DOCK9: variants seen among roughly 807,000 people sequenced by gnomAD.
DOCK9 encodes the protein dedicator of cytokinesis protein 9.
Under a neutral mutation model 263.3 loss-of-function variants are expected in DOCK9, and 89 were observed. The observed-to-expected ratio is 0.34, with a 90% CI of 0.28 to 0.40. DOCK9 has a LOEUF of 0.40. Among genes scored for constraint, DOCK9 ranks in the 10% least tolerant of loss-of-function variants. The probability of loss-of-function intolerance (pLI) is 1.00; values close to 1 mark genes in which losing one functional copy is unlikely to be tolerated. For synonymous variants in DOCK9, 976 were observed against 973.1 expected, an observed-to-expected ratio of 1.00 and a Z score of -0.06; for missense variants, 2,140 against 2,603.4, an observed-to-expected ratio of 0.82 and a Z score of 3.87.
At chr13:98,911,783 TA>T (rs2050087138) in intron 9 of DOCK9, among the ~76,000 whole-genome samples, 1 of 151,270 alleles carries the variant, frequency 6.6e-6, no homozygotes, top group Non-Finnish European at 1.5e-5. Context: ...ACCAAAATAA[TA>T]ATGACAGTAT....
chr13:99,073,357 CTTTT>C (rs952442003), intron 1 of DOCK9, among the ~76,000 whole-genome samples: 8 of 112,736 alleles, frequency 7.1e-5, no homozygotes, highest in African/African-American at 2.5e-4. Flanking sequence ...TCTTCTTCTT[CTTTT>C]CTCTCTCTCC....
At chr13:98,948,169 G>A (rs1161907368) in intron 2 of DOCK9, among the ~76,000 whole-genome samples, 2 of 152,124 alleles carry the variant, frequency 1.3e-5, no homozygotes, top group East Asian at 3.8e-4. Context: ...TCTCATGTAA[G>A]TAGAAGAGGA....
chr13:99,042,476 C>T (rs1307441924), intron 1 of DOCK9, among the ~76,000 whole-genome samples: 1 of 152,204 alleles, frequency 6.6e-6, no homozygotes, highest in Non-Finnish European at 1.5e-5. Flanking sequence ...CCACGGTCTG[C>T]TTGGATGTCA....
At chr13:98,921,419 G>A (rs1204070906) in intron 6 of DOCK9, among the ~76,000 whole-genome samples, 1 of 152,188 alleles carries the variant, frequency 6.6e-6, no homozygotes, top group East Asian at 1.9e-4. Context: ...AATCCCCAGG[G>A]TTTCTTGCTC....
At chr13:99,029,949 T>C (rs1364976608) in intron 1 of DOCK9, among the ~76,000 whole-genome samples, 1 of 152,240 alleles carries the variant, frequency 6.6e-6, no homozygotes, top group African/African-American at 2.4e-5. Context: ...TGGAATACAC[T>C]ATTTGGCAAT....
chr13:99,077,264 C>T (rs1361476927), intron 1 of DOCK9, among the ~76,000 whole-genome samples: 1 of 152,180 alleles, frequency 6.6e-6, no homozygotes, highest in Non-Finnish European at 1.5e-5. Flanking sequence ...TGTCCCCACC[C>T]AAATCCCCAG....
At chr13:98,837,103 G>A (rs9582265) in intron 39 of DOCK9, among the ~76,000 whole-genome samples, 38,675 of 151,976 alleles carry the variant, frequency 0.25, 6,038 homozygotes, top group African/African-American at 0.43. Flanking sequence ...ATGTGTCTGT[G>A]TTTATTGCTC....
chr13:98,993,815 G>C (rs1455228640), intron 1 of DOCK9, among the ~76,000 whole-genome samples: 2 of 152,132 alleles, frequency 1.3e-5, no homozygotes, highest in Admixed American at 6.5e-5. Flanking sequence ...GGTTTTTAAA[G>C]TTTATTAAAT....
chr13:99,044,306 C>A (rs970799278), intron 1 of DOCK9, among the ~76,000 whole-genome samples: 3 of 152,220 alleles, frequency 2.0e-5, no homozygotes, highest in African/African-American at 4.8e-5. Flanking sequence ...AAGAACACTG[C>A]AGGCAGTGGG....
intron 1 of DOCK9, among the ~76,000 whole-genome samples, chr13:98,959,988 C>A (rs1038724570): frequency 2.0e-5 from 3 of 152,144 alleles, no homozygotes; most frequent in Admixed American, 2.0e-4. Flanking sequence ...GGGTAGGGAA[C>A]TGATTGGCCT....
At chr13:98,823,987 C>T (rs2140693034) in intron 45 of DOCK9, among the ~76,000 whole-genome samples, 1 of 152,224 alleles carries the variant, frequency 6.6e-6, no homozygotes, top group Admixed American at 6.5e-5. Context: ...GCCTCTCATG[C>T]CTTTGAGTTT....
At chr13:99,036,790 G>A (rs375350524) in intron 1 of DOCK9, among the ~76,000 whole-genome samples, 5 of 152,196 alleles carry the variant, frequency 3.3e-5, no homozygotes, top group East Asian at 1.9e-4. Flanking sequence ...CGCCCACCTC[G>A]GCCTCCCAAA....
intron 1 of DOCK9, among the ~76,000 whole-genome samples, chr13:99,008,736 G>A (rs1248924740): frequency 1.3e-5 from 2 of 152,212 alleles, no homozygotes; most frequent in African/African-American, 4.8e-5. Flanking sequence ...GCCTGGTGAA[G>A]GCTATCTTGG....
chr13:99,047,039 C>A (rs901832654), intron 1 of DOCK9, among the ~76,000 whole-genome samples: 2 of 152,030 alleles, frequency 1.3e-5, no homozygotes, highest in Non-Finnish European at 2.9e-5. Context: ...ATTTAAAACA[C>A]GGCCAAACAG....
chr13:98,964,279 T>G (rs1310998740), intron 1 of DOCK9, among the ~76,000 whole-genome samples: 1 of 152,280 alleles, frequency 6.6e-6, no homozygotes, highest in Non-Finnish European at 1.5e-5. Context: ...ACAGCCCTAT[T>G]GTATTTGCTG....
chr13:98,978,003 G>A lies in DOCK9; in HGVS notation c.-94C>T, dbSNP rs1875674162. The A allele has an allele frequency of 6.8e-7, 1 of 1,463,892 alleles. No homozygotes were observed. Among genetic ancestry groups the A allele is most frequent in the South Asian group, 1.5e-5 (1 of 68,652 alleles). The allele number at this position is 1,463,892 out of a possible 1,614,324, so 90.7% of individuals were successfully genotyped here. On this transcript the variant is annotated 5_prime_UTR_variant, in exon 1 of 53. Coordinates refer to ENST00000682017, the MANE Select transcript of DOCK9 (RefSeq NM_001366683.2). ...ACAGGCATGCCAGTGGTCCAAGGAA[G>A]GAAAGGAAACTGGCTTCCCAGGCAC... is the stretch of plus-strand genomic sequence containing the variant.
At chr13:98,934,825 G>T (rs1244472523) in intron 2 of DOCK9, among the ~76,000 whole-genome samples, 1 of 152,154 alleles carries the variant, frequency 6.6e-6, no homozygotes, top group Non-Finnish European at 1.5e-5. Flanking sequence ...ATCATTTAAG[G>T]ACTCAGCATA....
rs772715343 is a variant in DOCK9, at chr13:98,825,180, C to T, written c.5024-676G>A. Among the ~76,000 whole-genome samples the T allele has an allele frequency of 6.6e-6, 1 of 152,210 alleles. No homozygotes were observed. The highest frequency in any genetic ancestry group is 1.5e-5 in the Non-Finnish European group (1 of 68,046). The stretch of plus-strand genomic sequence containing the variant: ...CAATGTCTGGGATAAGGATGTGTTT[C>T]TTAAGCAATGACAGCCCATTTGGGA... On this transcript the variant is annotated intron_variant, in intron 44 of 52. Transcript: ENST00000682017. This position sits in a 1 kb window ranked among gnomAD's most constrained non-coding sequence, Gnocchi z 4.1.
intron 1 of DOCK9, among the ~76,000 whole-genome samples, chr13:99,004,443 T>G (rs1177692571): frequency 6.6e-6 from 1 of 152,206 alleles, no homozygotes; most frequent in East Asian, 1.9e-4. Context: ...CTAGAAAATA[T>G]ACAGGAAATA....
Sources: allele counts gnomAD v4.1 joint callset (sites outside exome capture counted in the v4.1 genomes callset), GRCh38; gene constraint gnomAD v4.1.1; non-coding constraint Gnocchi (gnomAD v3.1); transcripts MANE v1.5; gene names NCBI Gene and HGNC (gene_info 2026-07-23, HGNC 2026-07-21).